Variants in CADPS2 observed in about 807,000 individuals in gnomAD.
CADPS2 encodes calcium-dependent secretion activator 2.
CADPS2 carries 93 observed loss-of-function variants against 172.5 expected under a neutral mutation model. That is an observed-to-expected ratio of 0.54 (90% CI 0.46 to 0.64). CADPS2 has a LOEUF of 0.64. CADPS2 is among the 30% of genes least tolerant of loss of function. The pLI is 0.00. For synonymous variants in CADPS2, 546 were observed against 555.2 expected (o/e 0.98, Z 0.23); for missense variants, 1,420 against 1,565.9 (o/e 0.91, Z 1.57).
chr7:122,640,767 T>TA (rs1012241978), intron 3 of CADPS2, among the ~76,000 whole-genome samples: 6 of 151,544 alleles, frequency 4.0e-5, no homozygotes, highest in African/African-American at 9.7e-5. Flanking sequence ...ACGTCTCTAC[T>TA]AAAAAAAATA....
intron 1 of CADPS2, among the ~76,000 whole-genome samples, chr7:122,769,740 T>C (rs1216422967): frequency 6.6e-6 from 1 of 152,202 alleles, no homozygotes; most frequent in Non-Finnish European, 1.5e-5. Context: ...ACAAAAGGCA[T>C]GGGCTTCAGG....
intron 14 of CADPS2, among the ~76,000 whole-genome samples, chr7:122,454,871 C>T (rs1223286599): frequency 6.6e-6 from 1 of 152,152 alleles, no homozygotes; most frequent in Non-Finnish European, 1.5e-5. Context: ...CACCACTGAT[C>T]CACTGATCCC....
At chr7:122,884,548 G>A (rs1281306206) in intron 1 of CADPS2, among the ~76,000 whole-genome samples, 1 of 148,666 alleles carries the variant, frequency 6.7e-6, no homozygotes, top group Non-Finnish European at 1.5e-5. Context: ...AATACCTAGG[G>A]TTAGGTTACC....
intron 1 of CADPS2, chr7:122,849,942 G>A (rs567830345): frequency 2.5e-5 from 14 of 558,320 alleles, no homozygotes; most frequent in Admixed American, 1.2e-4. Context: ...CCAGCTCCTG[G>A]CCCAGTACTA....
chr7:122,734,166 T>C (rs2137662750), intron 2 of CADPS2, among the ~76,000 whole-genome samples: 1 of 151,280 alleles, frequency 6.6e-6, no homozygotes, highest in African/African-American at 2.4e-5. Flanking sequence ...ACAAGTCACT[T>C]AACTTCATGA....
At chr7:122,791,901 T>C (rs971659704) in intron 1 of CADPS2, among the ~76,000 whole-genome samples, 1 of 152,180 alleles carries the variant, frequency 6.6e-6, no homozygotes, top group African/African-American at 2.4e-5. Flanking sequence ...TTTTGAAAAA[T>C]CATCAATGGT....
chr7:122,560,541 C>CT (rs1475349640), intron 7 of CADPS2, among the ~76,000 whole-genome samples: 2 of 152,084 alleles, frequency 1.3e-5, no homozygotes, highest in Non-Finnish European at 2.9e-5. Context: ...TAGCCTCAAA[C>CT]AGAGGAAGAA....
At chr7:122,373,542 C>T (rs191536608) in intron 25 of CADPS2, among the ~76,000 whole-genome samples, 1 of 152,256 alleles carries the variant, frequency 6.6e-6, no homozygotes, top group East Asian at 1.9e-4. Flanking sequence ...CTGGCCCACA[C>T]AACATTTCTA....
At chr7:122,582,048 C>T (rs545374548) in intron 6 of CADPS2, among the ~76,000 whole-genome samples, 1 of 152,128 alleles carries the variant, frequency 6.6e-6, no homozygotes, top group South Asian at 2.1e-4. Flanking sequence ...ATCAATATTT[C>T]TCACAACTCT....
intron 1 of CADPS2, among the ~76,000 whole-genome samples, chr7:122,758,413 T>C (rs2093253493): frequency 6.6e-6 from 1 of 152,198 alleles, no homozygotes; most frequent in African/African-American, 2.4e-5. Context: ...GCGTATGTAT[T>C]ATAATGACCA....
chr7:122,765,832 T>C (rs1235733588), intron 1 of CADPS2, among the ~76,000 whole-genome samples: 8 of 152,114 alleles, frequency 5.3e-5, no homozygotes, highest in Admixed American at 4.6e-4. Flanking sequence ...ATTGCCAACA[T>C]CACACAGAGC....
At chr7:122,772,041 T>G (rs554867382) in intron 1 of CADPS2, among the ~76,000 whole-genome samples, 15 of 152,314 alleles carry the variant, frequency 9.8e-5, no homozygotes, top group Non-Finnish European at 8.8e-5. Context: ...AGATTTCATA[T>G]ATTCAGTGTT....
intron 3 of CADPS2, among the ~76,000 whole-genome samples, chr7:122,649,171 GCAACA>G (rs934859190): frequency 9.2e-5 from 14 of 151,834 alleles, no homozygotes; most frequent in Middle Eastern, 3.4e-3. Flanking sequence ...GGCTACTCCA[GCAACA>G]CACACCATAC....
chr7:122,566,156 C>T (rs1474655858), intron 7 of CADPS2, among the ~76,000 whole-genome samples: 1 of 152,042 alleles, frequency 6.6e-6, no homozygotes, highest in Non-Finnish European at 1.5e-5. Flanking sequence ...GAAAGAAATG[C>T]TCAACATCGC....
At chr7:122,697,091 G>A (rs2085231863) in intron 2 of CADPS2, among the ~76,000 whole-genome samples, 1 of 152,104 alleles carries the variant, frequency 6.6e-6, no homozygotes, top group Non-Finnish European at 1.5e-5. Flanking sequence ...GTCGTTCTAT[G>A]TATTATGAAT....
At chr7:122,645,538 A>ATG (rs2078406656) in intron 3 of CADPS2, among the ~76,000 whole-genome samples, 1 of 124,538 alleles carries the variant, frequency 8.0e-6, no homozygotes, top group African/African-American at 3.5e-5. Context: ...GTATATATAT[A>ATG]TACTTATATA....
At chr7:122,695,317 T>C (rs2084929642) in intron 2 of CADPS2, among the ~76,000 whole-genome samples, 1 of 152,218 alleles carries the variant, frequency 6.6e-6, no homozygotes, top group Non-Finnish European at 1.5e-5. Flanking sequence ...TAAACTCCCT[T>C]CTGTAATTCA....
Position 122,320,280 on chromosome 7 carries a change from G to A in CADPS2, c.3776C>T (p.Thr1259Ile). The A allele has an allele frequency of 1.2e-6, 2 of 1,612,704 alleles. No individual in the cohort carries two copies. Among genetic ancestry groups the A allele is most frequent in the Non-Finnish European group, 1.7e-6 (2 of 1,179,230 alleles). ...TAAACGTCTGTGCACAGTATCATAA[G>A]TCTTACTGTTCAGTGTTCCTTCCAA... ...GVLEGTLNSK[T>I]YDTVHRRLTV... The change falls in exon 30 of 30, where the codon ACT becomes ATT. Residue 1259 changes from threonine to isoleucine, a missense_variant. Transcript: ENST00000449022.
At chr7:122,740,862 T>C (rs1269346457) in intron 1 of CADPS2, among the ~76,000 whole-genome samples, 1 of 152,066 alleles carries the variant, frequency 6.6e-6, no homozygotes, top group East Asian at 1.9e-4. Flanking sequence ...AATTGATATG[T>C]TCAGATAAAA....
Sources: allele counts gnomAD v4.1 joint callset (sites outside exome capture counted in the v4.1 genomes callset), GRCh38; gene constraint gnomAD v4.1.1; transcripts MANE v1.5; gene names NCBI Gene and HGNC (gene_info 2026-07-23, HGNC 2026-07-21).